Variants in CIMAP1D observed in about 807,000 individuals in gnomAD.
CIMAP1D encodes the protein CIMAP1 family member D.
At chr19:465,018 G>A in the CIMAP1D span, among the ~76,000 whole-genome samples, 1 of 151,208 alleles carries the variant, frequency 6.6e-6, no homozygotes, top group Non-Finnish European at 1.5e-5. Context: ...GTGGGCGGAT[G>A]GATGGATGGA....
the CIMAP1D span, among the ~76,000 whole-genome samples, chr19:475,676 G>A: frequency 9.9e-5 from 15 of 152,142 alleles, no homozygotes; most frequent in Admixed American, 4.6e-4. Flanking sequence ...CGACCACTGC[G>A]TGAGGCTCCA....
chr19:465,958 G>T, the CIMAP1D span, among the ~76,000 whole-genome samples: 1 of 149,326 alleles, frequency 6.7e-6, no homozygotes, highest in Non-Finnish European at 1.5e-5. Context: ...ATGCTAGGTG[G>T]GTGGATGGAT....
At chr19:491,539 G>A in the CIMAP1D span, among the ~76,000 whole-genome samples, 1 of 152,160 alleles carries the variant, frequency 6.6e-6, no homozygotes, top group Middle Eastern at 3.4e-3. Flanking sequence ...GGAAGCTGGG[G>A]TGAGCCTGGA....
chr19:489,271 G>A, the CIMAP1D span: 18 of 152,250 alleles, frequency 1.2e-4, 1 homozygote, highest in South Asian at 3.5e-3. Flanking sequence ...GCTGAGCGCG[G>A]CCCCGACCGG....
chr19:487,239 T>C, the CIMAP1D span, among the ~76,000 whole-genome samples: 1 of 152,182 alleles, frequency 6.6e-6, no homozygotes, highest in Non-Finnish European at 1.5e-5. Flanking sequence ...TTGGCTCATG[T>C]TGGCAGCCAC....
At chr19:484,417 A>G in the CIMAP1D span, among the ~76,000 whole-genome samples, 43 of 152,140 alleles carry the variant, frequency 2.8e-4, 1 homozygote, top group Non-Finnish European at 4.7e-4. Context: ...CTGGGATTAC[A>G]GGCATGAGCC....
At chr19:468,984 G>A in the CIMAP1D span, among the ~76,000 whole-genome samples, 11 of 151,720 alleles carry the variant, frequency 7.3e-5, no homozygotes, top group South Asian at 1.0e-3. Context: ...TGAGGAGTCC[G>A]TGGCACGCAG....
chr19:486,432 T>C, the CIMAP1D span, among the ~76,000 whole-genome samples: 6 of 151,994 alleles, frequency 3.9e-5, no homozygotes, highest in South Asian at 4.2e-4. Flanking sequence ...GATTGATTGA[T>C]TGATTTTTTG....
chr19:467,824 G>A, the CIMAP1D span: 457 of 1,082,206 alleles, frequency 4.2e-4, 1 homozygote, highest in South Asian at 1.6e-3. Flanking sequence ...CCCACCGCCC[G>A]GCCTCAGTGC....
chr19:470,232 A>C, the CIMAP1D span, among the ~76,000 whole-genome samples: 2 of 132,478 alleles, frequency 1.5e-5, no homozygotes, highest in African/African-American at 5.8e-5. Context: ...TTTGCGACGG[A>C]GTCTCGCTCT....
chr19:466,484 G>A, the CIMAP1D span, among the ~76,000 whole-genome samples: 1 of 151,206 alleles, frequency 6.6e-6, no homozygotes, highest in Admixed American at 6.6e-5. Flanking sequence ...TGAATGGATG[G>A]GTGGATACAT....
At chr19:480,169 C>T in the CIMAP1D span, among the ~76,000 whole-genome samples, 4 of 152,206 alleles carry the variant, frequency 2.6e-5, no homozygotes, top group African/African-American at 9.6e-5. Context: ...GCACAGAGGC[C>T]CTGGGGCAGG....
At chr19:463,509 C>T in the CIMAP1D span, 17 of 387,458 alleles carry the variant, frequency 4.4e-5, no homozygotes, top group African/African-American at 8.6e-5. Flanking sequence ...TGGAGCTGGA[C>T]GCCGAGTTCT....
chr19:470,965 C>T, the CIMAP1D span, among the ~76,000 whole-genome samples: 1 of 152,218 alleles, frequency 6.6e-6, no homozygotes, highest in Non-Finnish European at 1.5e-5. Context: ...CCTGCCCTCC[C>T]GCAGGCAGCC....
the CIMAP1D span, chr19:467,690 C>G: frequency 6.2e-7 from 1 of 1,612,172 alleles, no homozygotes; most frequent in Non-Finnish European, 8.5e-7. Flanking sequence ...GGCAGGGGTG[C>G]AGCTGCGGCC....
the CIMAP1D span, among the ~76,000 whole-genome samples, chr19:485,226 C>T: frequency 1.3e-5 from 2 of 152,158 alleles, no homozygotes; most frequent in African/African-American, 4.8e-5. Context: ...CACAGGTGCA[C>T]GTTTACACCA....
chr19:482,234 C>T, the CIMAP1D span, among the ~76,000 whole-genome samples: 1 of 152,326 alleles, frequency 6.6e-6, no homozygotes, highest in Admixed American at 6.5e-5. Context: ...GCTGTCCTCC[C>T]AGCCTGGCAT....
chr19:482,811 A>G, the CIMAP1D span, among the ~76,000 whole-genome samples: 1 of 152,032 alleles, frequency 6.6e-6, no homozygotes, highest in African/African-American at 2.4e-5. Context: ...GCCAGTCTGA[A>G]TGTCACCCAC....
the CIMAP1D span, chr19:467,823 C>T: frequency 1.9e-5 from 21 of 1,091,108 alleles, no homozygotes; most frequent in African/African-American, 1.1e-4. Context: ...CCCCACCGCC[C>T]GGCCTCAGTG....
Sources: gnomAD v4.1 joint callset for allele counts (sites outside exome capture counted in the v4.1 genomes callset) on GRCh38, gnomAD v4.1.1 for gene constraint, MANE v1.5 for transcripts, NCBI Gene and HGNC (gene_info 2026-07-23, HGNC 2026-07-21) for gene names.